SOX6: variants seen among roughly 807,000 people sequenced by gnomAD.
SOX6 encodes the protein SRY-box transcription factor 6.
In SOX6, 11 loss-of-function variants were observed where a neutral mutation model predicts 97.8. The observed-to-expected ratio is 0.11, with a 90% CI of 0.07 to 0.19. SOX6 has a LOEUF of 0.19. SOX6 is among the 10% of genes least tolerant of loss of function. The pLI is 1.00. For missense variants in SOX6, 810 were observed against 1,039.5 expected, an observed-to-expected ratio of 0.78 and a Z score of 3.04; for synonymous variants, 360 against 371.4, an observed-to-expected ratio of 0.97 and a Z score of 0.35.
intron 4 of SOX6, among the ~76,000 whole-genome samples, chr11:16,580,326 G>A (rs903162341): frequency 2.0e-5 from 3 of 151,786 alleles, no homozygotes; most frequent in Non-Finnish European, 4.4e-5. Flanking sequence ...ATATGTTCTA[G>A]TAATATATTC....
intron 3 of SOX6, among the ~76,000 whole-genome samples, chr11:16,704,898 T>G (rs1848120171): frequency 6.6e-6 from 1 of 152,224 alleles, no homozygotes; most frequent in Non-Finnish European, 1.5e-5. Context: ...AATACACTCT[T>G]GACAACTTTT....
intron 3 of SOX6, among the ~76,000 whole-genome samples, chr11:16,673,669 T>C (rs574384866): frequency 2.0e-5 from 3 of 152,078 alleles, no homozygotes; most frequent in East Asian, 3.9e-4. Context: ...TTACCAAACA[T>C]TTAAAGAACT....
At chr11:16,088,523 C>A (rs889653267) in intron 9 of SOX6, among the ~76,000 whole-genome samples, 3 of 152,262 alleles carry the variant, frequency 2.0e-5, no homozygotes, top group African/African-American at 7.2e-5. Flanking sequence ...TAGTTGCGCC[C>A]TTTCCAGAAT....
chr11:16,194,523 CTGT>C (rs1480858842), intron 4 of SOX6, among the ~76,000 whole-genome samples: 1 of 152,136 alleles, frequency 6.6e-6, no homozygotes, highest in Non-Finnish European at 1.5e-5. Context: ...CTGTTTGTTA[CTGT>C]TGTTGTTGTT....
At chr11:16,151,244 A>G (rs1252910074) in intron 6 of SOX6, among the ~76,000 whole-genome samples, 1 of 152,158 alleles carries the variant, frequency 6.6e-6, no homozygotes, top group East Asian at 1.9e-4. Context: ...TTCAAGTATT[A>G]GCATTACGGG....
chr11:16,232,878 G>T (rs1478676635), intron 4 of SOX6, among the ~76,000 whole-genome samples: 2 of 152,090 alleles, frequency 1.3e-5, no homozygotes, highest in Non-Finnish European at 2.9e-5. Context: ...CCATCAATAA[G>T]TTGAGTTTCT....
intron 7 of SOX6, among the ~76,000 whole-genome samples, chr11:16,098,791 A>G (rs1196961183): frequency 6.6e-6 from 1 of 151,888 alleles, no homozygotes; most frequent in Non-Finnish European, 1.5e-5. Flanking sequence ...GCTGAATGTA[A>G]TAATGAATAG....
intron 1 of SOX6, among the ~76,000 whole-genome samples, chr11:16,426,639 G>A (rs1166865203): frequency 6.6e-6 from 1 of 151,988 alleles, no homozygotes; most frequent in Admixed American, 6.6e-5. Context: ...TTCTGGCCGG[G>A]CGCGGTGGCT....
chr11:16,282,061 T>C (rs1854580537), intron 3 of SOX6, among the ~76,000 whole-genome samples: 2 of 149,496 alleles, frequency 1.3e-5, no homozygotes, highest in South Asian at 2.1e-4. Context: ...ATTCAGGACA[T>C]ACAATGCACA....
At chr11:16,525,324 G>T (rs1435060848) in intron 4 of SOX6, among the ~76,000 whole-genome samples, 1 of 150,324 alleles carries the variant, frequency 6.7e-6, no homozygotes, top group Non-Finnish European at 1.5e-5. Flanking sequence ...CAGAAATAAC[G>T]CCGCATATCT....
chr11:16,080,995 G>A (rs1165746409), intron 9 of SOX6, among the ~76,000 whole-genome samples: 2 of 152,010 alleles, frequency 1.3e-5, no homozygotes, highest in Admixed American at 1.3e-4. Context: ...AGGCTAAGGT[G>A]GGAGGATCAC....
intron 4 of SOX6, among the ~76,000 whole-genome samples, chr11:16,603,999 C>G (rs1162382805): frequency 3.3e-5 from 5 of 152,192 alleles, no homozygotes; most frequent in Non-Finnish European, 7.3e-5. Flanking sequence ...GTGCTGAGTG[C>G]GCAGGCTAAT....
intron 4 of SOX6, among the ~76,000 whole-genome samples, chr11:16,200,502 C>T (rs935896119): frequency 6.6e-6 from 1 of 152,156 alleles, no homozygotes; most frequent in Admixed American, 6.5e-5. Context: ...TGCTCATTGA[C>T]TTTCTAAAAA....
chr11:16,218,272 T>A (rs926574907), intron 4 of SOX6, among the ~76,000 whole-genome samples: 2 of 152,130 alleles, frequency 1.3e-5, no homozygotes, highest in Admixed American at 1.3e-4. Context: ...TAGATTAAAA[T>A]GTTAGACTAG....
chr11:16,508,380 A>G (rs1177997324), intron 4 of SOX6, among the ~76,000 whole-genome samples: 6 of 152,186 alleles, frequency 3.9e-5, no homozygotes, highest in Admixed American at 3.9e-4. Context: ...GGAAATCAGT[A>G]TATCAAAGAG....
At chr11:16,146,107 C>A (rs1850286721) in intron 6 of SOX6, among the ~76,000 whole-genome samples, 1 of 152,184 alleles carries the variant, frequency 6.6e-6, no homozygotes, top group Non-Finnish European at 1.5e-5. Context: ...AACTATACTA[C>A]AAGGCTACAG....
chr11:16,184,042 CT>C, intron 5 of SOX6, 88 bp from the exon 6 acceptor site: 1 of 1,159,010 alleles, frequency 8.6e-7, no homozygotes, highest in Non-Finnish European at 1.3e-6. Context: ...TTACAACAAT[CT>C]TTTACCGCAC....
chr11:16,503,049 G>T (rs990944905), intron 4 of SOX6, among the ~76,000 whole-genome samples: 1 of 152,068 alleles, frequency 6.6e-6, no homozygotes, highest in East Asian at 1.9e-4. Flanking sequence ...GACAGAATGG[G>T]ATAATATATT....
intron 9 of SOX6, among the ~76,000 whole-genome samples, chr11:16,077,690 G>C (rs951734276): frequency 6.6e-6 from 1 of 152,140 alleles, no homozygotes; most frequent in African/African-American, 2.4e-5. Context: ...ATTATCCTAA[G>C]CAAACTAATG....
Sources: gnomAD v4.1 joint callset for allele counts (sites outside exome capture counted in the v4.1 genomes callset) on GRCh38, gnomAD v4.1.1 for gene constraint, MANE v1.5 for transcripts, NCBI Gene and HGNC (gene_info 2026-07-23, HGNC 2026-07-21) for gene names.